The following CNTNAP4 variants were observed in gnomAD, a reference collection of about 807,000 sequenced individuals.
CNTNAP4 encodes the protein contactin-associated protein-like 4.
CNTNAP4 carries 98 observed loss-of-function variants against 148.4 expected under a neutral mutation model. The ratio of observed to expected loss-of-function variants is 0.66; its 90% CI spans 0.56 to 0.78. The LOEUF (loss-of-function observed/expected upper bound fraction) is 0.78. CNTNAP4 is among the 30% of genes least tolerant of loss of function. The pLI is 0.00. For synonymous variants in CNTNAP4, 730 were observed against 565.1 expected, an observed-to-expected ratio of 1.29 and a Z score of -4.14; for missense variants, 1,935 against 1,565.6, an observed-to-expected ratio of 1.24 and a Z score of -3.98.
At chr16:76,314,851 G>A (rs1961535690) in intron 1 of CNTNAP4, among the ~76,000 whole-genome samples, 2 of 152,028 alleles carry the variant, frequency 1.3e-5, no homozygotes, top group South Asian at 4.1e-4. Flanking sequence ...CATGTGTGTT[G>A]ATTCTGCTTT....
intron 3 of CNTNAP4, among the ~76,000 whole-genome samples, chr16:76,376,115 G>T (rs2015387163): frequency 6.6e-6 from 1 of 151,860 alleles, no homozygotes; most frequent in South Asian, 2.1e-4. Flanking sequence ...GAGTGAGGAA[G>T]AGATAAAGGG....
At position 76,560,408 on chromosome 16, in the gene CNTNAP4, C is replaced by G. The variant is rs1009615225; in HGVS notation, c.*1725C>G. Among the ~76,000 whole-genome samples, 1 of 152,104 alleles carries G rather than the reference C, an allele frequency of 6.6e-6. No homozygotes were observed. Among genetic ancestry groups the G allele is most frequent in the African/African-American group, 2.4e-5 (1 of 41,404 alleles). On this transcript the variant is annotated 3_prime_UTR_variant, in exon 24 of 24. Transcript: ENST00000611870. Reference sequence around the variant, plus strand: ...TAGTAGTTTACGAAGGACTAAGGACCTATGTTGGTAGATGGTATACTCTTT... The same window carrying G: ...TAGTAGTTTACGAAGGACTAAGGACGTATGTTGGTAGATGGTATACTCTTT...
intron 1 of CNTNAP4, among the ~76,000 whole-genome samples, chr16:76,309,475 C>T (rs1333176771): frequency 2.6e-5 from 4 of 152,112 alleles, no homozygotes; most frequent in Non-Finnish European, 4.4e-5. Flanking sequence ...GGCAGGCTGA[C>T]CAGAAGTGGG....
Position 76,316,502 on chromosome 16 carries a change from G to T in CNTNAP4, c.175G>T (p.Ala59Ser), listed in dbSNP as rs560583472. Residue 59 changes from alanine (A) to serine (S), a missense_variant, in exon 2 of 24, where the codon GCA becomes TCA. Transcript: ENST00000611870. ...ELSSSHGPGF[A>S]RLNRRDGAGG... is the part of the protein sequence containing the mutation. ...CTCCAGCAGTCATGGTCCTGGATTT[G>T]CAAGGCTGAATAGAAGAGATGGTAA... 7.4e-6 allele frequency: 12 copies of T among 1,613,406 alleles called. No individual in the cohort carries two copies. The East Asian group carries it at 2.7e-4, about 36-fold the overall frequency.
chr16:76,497,839 TAATAA>T (rs930103632), intron 14 of CNTNAP4, among the ~76,000 whole-genome samples: 5 of 151,692 alleles, frequency 3.3e-5, no homozygotes, highest in South Asian at 2.1e-4. Flanking sequence ...ACTTAAAGTA[TAATAA>T]AATAAAATAA....
intron 1 of CNTNAP4, among the ~76,000 whole-genome samples, chr16:76,300,108 A>G (rs1218059826): frequency 6.6e-6 from 1 of 152,194 alleles, no homozygotes; most frequent in East Asian, 1.9e-4. Flanking sequence ...ACAAACCTGC[A>G]CGTTGTGCAC....
intron 15 of CNTNAP4, among the ~76,000 whole-genome samples, chr16:76,503,488 C>G (rs937436464): frequency 2.0e-5 from 3 of 152,072 alleles, no homozygotes; most frequent in Non-Finnish European, 4.4e-5. Flanking sequence ...GTGAGTTTAG[C>G]AAAGTCACAG....
Position 76,521,167 on chromosome 16 carries a change from A to G in CNTNAP4, c.2393A>G (p.Asp798Gly), listed in dbSNP as rs2083438575. The G allele has an allele frequency of 6.3e-7, 1 of 1,598,874 alleles. No homozygotes were observed. The highest frequency in any genetic ancestry group is 8.5e-7 in the Non-Finnish European group (1 of 1,176,116). Reference protein sequence around the residue: ...DRSFWNSASFDTEASYLHFPT... With the variant: ...DRSFWNSASFGTEASYLHFPT... ...TCATTTTGGAATTCAGCTTCCTTTG[A>G]TACCGAGGCTTCATATCTTCATTTT... The change falls in exon 16 of 24, where the codon GAT (aspartate) becomes GGT (glycine). Residue 798 changes from aspartate (D) to glycine (G), a missense_variant. By Grantham distance (94) the Asp-to-Gly change is moderately conservative (BLOSUM62 -1). Coordinates refer to ENST00000611870, the MANE Select transcript of CNTNAP4 (RefSeq NM_033401.5).
intron 1 of CNTNAP4, among the ~76,000 whole-genome samples, chr16:76,294,595 A>G (rs2143863148): frequency 6.6e-6 from 1 of 152,316 alleles, no homozygotes; most frequent in East Asian, 1.9e-4. Flanking sequence ...TCTTAGTAAA[A>G]TATTTTTTAC....
intron 3 of CNTNAP4, among the ~76,000 whole-genome samples, chr16:76,413,580 A>T (rs1391347990): frequency 8.0e-5 from 12 of 150,150 alleles, no homozygotes; most frequent in Admixed American, 8.0e-4. Context: ...AAAACCCTCC[A>T]ACTTTGTTTT....
At chr16:76,309,175 G>C (rs1241553626) in intron 1 of CNTNAP4, among the ~76,000 whole-genome samples, 1 of 152,032 alleles carries the variant, frequency 6.6e-6, no homozygotes, top group Non-Finnish European at 1.5e-5. Context: ...GCTTAAAATG[G>C]ACTTTGGTGG....
intron 12 of CNTNAP4, among the ~76,000 whole-genome samples, chr16:76,484,405 A>G (rs1375983290): frequency 6.6e-6 from 1 of 152,144 alleles, no homozygotes; most frequent in Non-Finnish European, 1.5e-5. Flanking sequence ...GTGGATAGCA[A>G]GATGTTCAGA....
In CNTNAP4 at chr16:76,328,794, T is replaced by C. The variant is rs1438563428; in HGVS notation, c.196+12271T>C. On this transcript the variant is annotated intron_variant, in intron 2 of 23. Coordinates refer to ENST00000611870, the MANE Select transcript of CNTNAP4 (RefSeq NM_033401.5). Reference sequence around the variant, plus strand: ...CTGAGTAGCTGGGACTACAGGCGCCTGCCACCGCACCTGGCTAATTTTGTA... The same window carrying C: ...CTGAGTAGCTGGGACTACAGGCGCCCGCCACCGCACCTGGCTAATTTTGTA... 5.9e-5 allele frequency among the ~76,000 whole-genome samples: 9 copies of C among 152,190 alleles called. No individual in the cohort carries two copies. In the South Asian group the frequency reaches 1.5e-3, roughly 25 times the overall value.
At chr16:76,378,869 G>A (rs150054261) in intron 3 of CNTNAP4, among the ~76,000 whole-genome samples, 406 of 152,258 alleles carry the variant, frequency 2.7e-3, no homozygotes, top group African/African-American at 8.1e-3. Flanking sequence ...TCAGGTTTGC[G>A]GAACAGGAGG....
chr16:76,377,908 C>T (rs1467222858), intron 3 of CNTNAP4, among the ~76,000 whole-genome samples: 4 of 152,136 alleles, frequency 2.6e-5, no homozygotes, highest in African/African-American at 7.2e-5. Flanking sequence ...ATTCACCATG[C>T]TAGTGGCATT....
chr16:76,287,621 C>A (rs1958940752), intron 1 of CNTNAP4: 1 of 152,114 alleles, frequency 6.6e-6, no homozygotes, highest in African/African-American at 2.4e-5. Flanking sequence ...TTTCCTTTTT[C>A]ATTTTCCTGG....
chr16:76,493,456 A>G (rs1330218394), intron 13 of CNTNAP4, among the ~76,000 whole-genome samples: 1 of 145,072 alleles, frequency 6.9e-6, no homozygotes, highest in African/African-American at 2.5e-5. Flanking sequence ...GGTTTTAAAA[A>G]TTCATTCCTT....
At chr16:76,478,382 T>C (rs1319408980) in intron 11 of CNTNAP4, among the ~76,000 whole-genome samples, 1 of 152,208 alleles carries the variant, frequency 6.6e-6, no homozygotes, top group African/African-American at 2.4e-5. Flanking sequence ...TATATCTCTA[T>C]CAGCATGATA....
At chr16:76,304,023 C>T (rs553514924) in intron 1 of CNTNAP4, among the ~76,000 whole-genome samples, 1 of 152,232 alleles carries the variant, frequency 6.6e-6, no homozygotes, top group South Asian at 2.1e-4. Flanking sequence ...TCAGTTCCAA[C>T]TTTGGAATTT....
Sources: gnomAD v4.1 joint callset for allele counts (sites outside exome capture counted in the v4.1 genomes callset) on GRCh38, gnomAD v4.1.1 for gene constraint, MANE v1.5 for transcripts, NCBI Gene and HGNC (gene_info 2026-07-23, HGNC 2026-07-21) for gene names.